IGFL4: variants seen among roughly 807,000 people sequenced by gnomAD.
IGFL4 encodes IGF like family member 4.
In IGFL4, 12 loss-of-function variants were observed where a neutral mutation model predicts 15.4. The ratio of observed to expected loss-of-function variants is 0.78; its 90% CI spans 0.50 to 1.26. IGFL4 has a LOEUF of 1.26. Ranked by LOEUF, IGFL4 falls within the 50% of genes most tolerant of loss-of-function variation. The pLI is 0.00. For synonymous variants in IGFL4, 54 were observed against 55.9 expected (o/e 0.97, Z 0.16); for missense variants, 126 against 147.8 (o/e 0.85, Z 0.76).
At chr19:46,071,715 A>G (rs150418162) in intron 1 of IGFL4, among the ~76,000 whole-genome samples, 4,603 of 152,324 alleles carry the variant, frequency 0.03, 101 homozygotes, top group Non-Finnish European at 0.045. Flanking sequence ...ACCTTTCTAA[A>G]ATAGCCTTCA....
At chr19:46,051,699 A>G (rs1026583770) in intron 2 of IGFL4, among the ~76,000 whole-genome samples, 2 of 152,232 alleles carry the variant, frequency 1.3e-5, no homozygotes, top group African/African-American at 4.8e-5. Flanking sequence ...GGCAGAATGC[A>G]TAAGAGCTCA....
intron 2 of IGFL4, among the ~76,000 whole-genome samples, chr19:46,046,869 T>C (rs1906533838): frequency 6.6e-6 from 1 of 152,174 alleles, no homozygotes; most frequent in Non-Finnish European, 1.5e-5. Context: ...AACAAAGATA[T>C]TCAGGACCTG....
At chr19:46,041,473 T>G (rs543326138), upstream of IGFL4, among the ~76,000 whole-genome samples, 1 of 152,296 alleles carries the variant, frequency 6.6e-6, no homozygotes, top group South Asian at 2.1e-4. Context: ...TTTGTGAAGT[T>G]GCAGCATAAT....
At chr19:46,060,276 A>C (rs1341838797) in exon 2 of IGFL4, 1 of 152,242 alleles carries the variant, frequency 6.6e-6, no homozygotes. Flanking sequence ...GTAGCTCAAA[A>C]GAAAAGTTTC....
At chr19:46,073,847 T>C (rs1969569493) in intron 1 of IGFL4, among the ~76,000 whole-genome samples, 1 of 152,226 alleles carries the variant, frequency 6.6e-6, no homozygotes, top group Non-Finnish European at 1.5e-5. Context: ...ATGGTCAGAA[T>C]GACTGAAAGT....
upstream of IGFL4, among the ~76,000 whole-genome samples, chr19:46,041,343 G>A (rs770867621): frequency 2.7e-4 from 41 of 152,096 alleles, no homozygotes; most frequent in African/African-American, 9.4e-4. Context: ...ACCAAACACC[G>A]GCTGTCTCTA....
intron 1 of IGFL4, among the ~76,000 whole-genome samples, chr19:46,076,668 TTATAAATACATTATTTATAATAAA>T (rs201821557): frequency 0.026 from 3,815 of 148,102 alleles, 76 homozygotes; most frequent in Middle Eastern, 0.057. Context: ...TTTAGTTTTA[TTATAAATACATTATTTATAATAAA>T]TATAAATACA....
At chr19:46,065,901 G>A (rs1231002241) in intron 1 of IGFL4, among the ~76,000 whole-genome samples, 2 of 152,208 alleles carry the variant, frequency 1.3e-5, no homozygotes, top group Non-Finnish European at 2.9e-5. Flanking sequence ...CCAGTTGCTA[G>A]GAGTTTGGAA....
chr19:46,068,164 T>G (rs956891012), intron 1 of IGFL4, among the ~76,000 whole-genome samples: 1 of 152,204 alleles, frequency 6.6e-6, no homozygotes, highest in African/African-American at 2.4e-5. Context: ...TTGTCACAGA[T>G]GCTCTTCAAC....
At chr19:46,077,601 G>C (rs1052722340), upstream of IGFL4, among the ~76,000 whole-genome samples, 6 of 152,222 alleles carry the variant, frequency 3.9e-5, no homozygotes, top group Admixed American at 3.9e-4. The surrounding 1 kb of genome is among the most constrained non-coding windows in gnomAD (Gnocchi z 5.4). Context: ...GAAAGTGATA[G>C]CGACAGAAAC....
intron 1 of IGFL4, among the ~76,000 whole-genome samples, chr19:46,069,247 C>A (rs62110683): frequency 0.23 from 35,526 of 152,078 alleles, 4,378 homozygotes; most frequent in African/African-American, 0.31. Flanking sequence ...TTCTCTCCAT[C>A]TGGATTCTGT....
rs1468299447 is a variant in IGFL4 at position 46,039,955 on chromosome 19, G to A, written c.331-19C>T. 6 of 1,608,164 alleles carry A rather than the reference G, an allele frequency of 3.7e-6. No individual in the cohort carries two copies. The Admixed American group carries it at 6.7e-5, about 18-fold the overall frequency. On this transcript the variant is annotated intron_variant, in intron 3 of 3. Coordinates refer to ENST00000377697, the MANE Select transcript of IGFL4 (RefSeq NM_001002923.3). ...GGTATTCCTGCAGAAGGAGAGAAGTGGGAGAGGGGAATAAGAGGGAGGGTG... is the reference window on the plus strand; with the variant it reads ...GGTATTCCTGCAGAAGGAGAGAAGTAGGAGAGGGGAATAAGAGGGAGGGTG...
At position 46,040,725 on chromosome 19, in the gene IGFL4, A is replaced by G; in HGVS notation, c.20-157T>C. On this transcript the variant is annotated intron_variant, in intron 1 of 3. Coordinates refer to ENST00000377697, the MANE Select transcript of IGFL4 (RefSeq NM_001002923.3). This position sits in a 1 kb window ranked among gnomAD's most constrained non-coding sequence, Gnocchi z 4.1. ...GCAGGTCCTGGGGACTGGGCTTGGC[A>G]GGTGAGGAAAGGCAGGGAGGGCTCT... The G allele has an allele frequency of 2.1e-6, 2 of 967,160 alleles. No individual in the cohort carries two copies. The highest frequency in any genetic ancestry group is 3.2e-6 in the Non-Finnish European group (2 of 621,136). 59.9% of individuals were successfully genotyped at this position (967,160 alleles called of 1,614,324 possible).
In IGFL4 at chr19:46,040,799, T is replaced by C; in HGVS notation, c.19+145A>G. ...TTGCAGTTCAGGAGACAGATTACAA[T>C]GCAGTCACAGATGACATAGCAGTGA... On this transcript the variant is annotated intron_variant, in intron 1 of 3. Coordinates refer to ENST00000377697, the MANE Select transcript of IGFL4 (RefSeq NM_001002923.3). This position sits in a 1 kb window ranked among gnomAD's most constrained non-coding sequence, Gnocchi z 4.1. 3.2e-6 allele frequency: 3 copies of C among 942,226 alleles called. No homozygotes were observed. In the South Asian group the frequency reaches 4.3e-5, roughly 13 times the overall value. 58.4% of individuals were successfully genotyped at this position (942,226 alleles called of 1,614,324 possible).
chr19:46,050,169 GC>G lies in IGFL4; in HGVS notation c.-322-9060del, dbSNP rs1969332589. On this transcript the variant is annotated intron_variant, in intron 2 of 5. Coordinates refer to the IGFL4 transcript ENST00000601672. Reference sequence around the variant, plus strand: ...CTGGGACAAAAGAATCTGAACATCAGCCCTTCAGCCTCAGATCTTCCCTCTG... The same window carrying G: ...CTGGGACAAAAGAATCTGAACATCAGCCTTCAGCCTCAGATCTTCCCTCTG... 1.3e-5 allele frequency among the ~76,000 whole-genome samples: 2 copies of G among 152,190 alleles called. 1 individual carries two copies. The highest frequency in any genetic ancestry group is 3.8e-4 in the East Asian group (2 of 5,202).
intron 1 of IGFL4, among the ~76,000 whole-genome samples, chr19:46,066,748 G>A (rs1401806880): frequency 6.6e-6 from 1 of 152,138 alleles, no homozygotes; most frequent in Non-Finnish European, 1.5e-5. Context: ...TGTGAGGACA[G>A]CACCAAGCTA....
At chr19:46,041,856 T>TTTTTTA (rs1969247963), upstream of IGFL4, among the ~76,000 whole-genome samples, 1 of 120,514 alleles carries the variant, frequency 8.3e-6, no homozygotes, top group African/African-American at 2.8e-5. Flanking sequence ...TTTTTTTTTT[T>TTTTTTA]GAGACACCGT....
At position 46,040,105 on chromosome 19, in the gene IGFL4, C is replaced by A; in HGVS notation, c.330+52G>T. The A allele has an allele frequency of 6.2e-7, 1 of 1,604,800 alleles. No individual in the cohort carries two copies. Among genetic ancestry groups the A allele is most frequent in the South Asian group, 1.1e-5 (1 of 90,288 alleles). On this transcript the variant is annotated intron_variant, in intron 3 of 3. Transcript: ENST00000377697. The surrounding 1 kb of genome is among the most constrained non-coding windows in gnomAD (Gnocchi z 4.1). ...TCTGGGTGGGACATGGACAACCAAG[C>A]TCCATTCCCTACTCCCCCCTCCCAC...
upstream of IGFL4, among the ~76,000 whole-genome samples, chr19:46,043,960 CAGAG>C (rs1969273033): frequency 3.9e-5 from 6 of 152,294 alleles, no homozygotes; most frequent in South Asian, 1.2e-3. Flanking sequence ...ACCGCACTCA[CAGAG>C]AGGAATGAAA....
Sources: allele counts gnomAD v4.1 joint callset (sites outside exome capture counted in the v4.1 genomes callset), GRCh38; gene constraint gnomAD v4.1.1; non-coding constraint Gnocchi (gnomAD v3.1); transcripts MANE v1.5; gene names NCBI Gene and HGNC (gene_info 2026-07-23, HGNC 2026-07-21).